Variants in CDC14B observed in about 807,000 individuals in gnomAD.
CDC14B encodes cell division cycle 14B.
Under a neutral mutation model 64.2 loss-of-function variants are expected in CDC14B, and 22 were observed. The ratio of observed to expected loss-of-function variants is 0.34; its 90% confidence interval spans 0.24 to 0.49. The LOEUF is 0.49. CDC14B is among the 20% of genes least tolerant of loss of function. The probability of loss-of-function intolerance (pLI) is 0.99; values close to 1 mark genes in which losing one functional copy is unlikely to be tolerated. For missense variants in CDC14B, 498 were observed against 629.9 expected, an observed-to-expected ratio of 0.79 and a Z score of 2.24; for synonymous variants, 191 against 215.8, an observed-to-expected ratio of 0.89 and a Z score of 1.01.
At chr9:96,604,714 G>T (rs572769440) in intron 1 of CDC14B, among the ~76,000 whole-genome samples, 1 of 151,498 alleles carries the variant, frequency 6.6e-6, no homozygotes, top group South Asian at 2.1e-4. Flanking sequence ...TGTCCCCCAG[G>T]CTGGAGTGTA....
chr9:96,530,477 A>G (rs867470659), intron 9 of CDC14B, among the ~76,000 whole-genome samples: 1 of 135,026 alleles, frequency 7.4e-6, no homozygotes, highest in Non-Finnish European at 1.6e-5. Flanking sequence ...GCGGGGTTTC[A>G]CCGTGTTGCC....
chr9:96,615,715 C>A (rs139876012), intron 1 of CDC14B, among the ~76,000 whole-genome samples: 57 of 152,270 alleles, frequency 3.7e-4, no homozygotes, highest in Admixed American at 7.2e-4. Context: ...CGTGGAGATA[C>A]CATGTGATCC....
chr9:96,597,273 C>T (rs1009164662), intron 1 of CDC14B, among the ~76,000 whole-genome samples: 1 of 152,120 alleles, frequency 6.6e-6, no homozygotes, highest in African/African-American at 2.4e-5. Context: ...GCAGGTGGAT[C>T]ACCTGAGGTC....
chr9:96,507,117 AACCCCGTCTCT>A (rs1461117495), intron 13 of CDC14B, among the ~76,000 whole-genome samples: 4 of 152,144 alleles, frequency 2.6e-5, no homozygotes, highest in Non-Finnish European at 4.4e-5. Context: ...AAAATGGTGA[AACCCCGTCTCT>A]ACTAAAAATA....
At chr9:96,559,566 A>G (rs1029724724) in intron 4 of CDC14B, among the ~76,000 whole-genome samples, 1 of 152,212 alleles carries the variant, frequency 6.6e-6, no homozygotes, top group African/African-American at 2.4e-5. Flanking sequence ...TCAGGTGTCC[A>G]TATTATATCT....
chr9:96,535,891 C>T (rs1029316387), intron 7 of CDC14B, among the ~76,000 whole-genome samples: 7 of 152,154 alleles, frequency 4.6e-5, no homozygotes, highest in African/African-American at 1.7e-4. Flanking sequence ...CAGGGCAACA[C>T]AGTGAGACCC....
rs1833723783 is a variant in CDC14B at position 96,503,403 on chromosome 9, T to G, written c.*350A>C. The stretch of plus-strand genomic sequence containing the variant: ...AAAACCTCCATCAGATCCTCAATTC[T>G]TCTGAAGGCCAGCAACTACAATGAT... On this transcript the variant is annotated 3_prime_UTR_variant, in exon 14 of 14. Transcript: ENST00000375241. 8.1e-6 allele frequency: 2 copies of G among 247,298 alleles called. No homozygotes were observed. Among genetic ancestry groups the G allele is most frequent in the Admixed American group, 1.1e-4 (2 of 18,208 alleles). The allele number at this position is 247,298 out of a possible 1,614,324, so 15.3% of individuals were successfully genotyped here.
chr9:96,616,622 G>A (rs1257096965), intron 1 of CDC14B, among the ~76,000 whole-genome samples: 1 of 151,938 alleles, frequency 6.6e-6, no homozygotes, highest in Admixed American at 6.6e-5. Context: ...TACTTGGGAG[G>A]CTGAGGCAGG....
At position 96,523,669 on chromosome 9, in the gene CDC14B, T is replaced by C. The variant is rs748051828; in HGVS notation, c.1003A>G (p.Met335Val). The change falls in exon 10 of 14, where the codon ATG (methionine) becomes GTG (valine). Residue 335 changes from methionine (M) to valine (V), a missense_variant. Transcript: ENST00000375241. ...CACGCAATGGTCTCGGCTGCTGTCA[T>C]CCTGTAATGCTTCATGATGTAGCAG... Reference protein sequence around the residue: ...IACYIMKHYRMTAAETIAWVR... With the variant: ...IACYIMKHYRVTAAETIAWVR... The C allele has an allele frequency of 3.1e-6, 5 of 1,614,140 alleles. No homozygotes were observed.
chr9:96,600,240 TTA>T (rs376489232), intron 1 of CDC14B, among the ~76,000 whole-genome samples: 49 of 147,910 alleles, frequency 3.3e-4, no homozygotes, highest in African/African-American at 7.7e-4. Context: ...ACCAAAAAAA[TTA>T]TATATATATA....
At chr9:96,566,750 C>A (rs1322360335) in intron 1 of CDC14B, 4 of 1,600,124 alleles carry the variant, frequency 2.5e-6, no homozygotes, top group African/African-American at 2.7e-5. Flanking sequence ...AGGGGAAGCC[C>A]CCGCCCTCCC....
At chr9:96,575,464 G>T (rs1844746224) in intron 1 of CDC14B, among the ~76,000 whole-genome samples, 1 of 152,130 alleles carries the variant, frequency 6.6e-6, no homozygotes, top group African/African-American at 2.4e-5. Flanking sequence ...TACTTTGTAA[G>T]TTCTTTTTTT....
chr9:96,558,228 G>A (rs1270721229), intron 4 of CDC14B, among the ~76,000 whole-genome samples: 1 of 152,176 alleles, frequency 6.6e-6, no homozygotes. Flanking sequence ...AAGTTCTAGT[G>A]TTAGATAGCA....
At chr9:96,567,004 T>A in intron 1 of CDC14B, 1 of 1,405,884 alleles carries the variant, frequency 7.1e-7, no homozygotes, top group Non-Finnish European at 9.3e-7. Flanking sequence ...AGTCCCCAAG[T>A]CCTGGAAAAA....
At chr9:96,555,882 C>T (rs1323933338) in intron 4 of CDC14B, among the ~76,000 whole-genome samples, 3 of 152,090 alleles carry the variant, frequency 2.0e-5, no homozygotes, top group Non-Finnish European at 4.4e-5. Flanking sequence ...ATGCCAGAGT[C>T]CCTGTGAGAA....
In CDC14B at chr9:96,619,779, C is replaced by T. The variant is rs1847860450; in HGVS notation, c.-401G>A. Reference sequence around the variant, plus strand: ...GGCCGCGGCCGCTGCTGCGTAGGCGCCGGGGCACAGCAGGACGCGGCTCGT... The same window carrying T: ...GGCCGCGGCCGCTGCTGCGTAGGCGTCGGGGCACAGCAGGACGCGGCTCGT... On this transcript the variant is annotated 5_prime_UTR_variant, in exon 1 of 14. Transcript: ENST00000375241. 1 of 151,822 alleles carries T rather than the reference C, an allele frequency of 6.6e-6. No individual in the cohort carries two copies. Among genetic ancestry groups the T allele is most frequent in the Non-Finnish European group, 1.5e-5 (1 of 67,928 alleles). 9.4% of individuals were successfully genotyped at this position (151,822 alleles called of 1,614,324 possible).
At chr9:96,575,115 T>C (rs2118139488) in intron 1 of CDC14B, among the ~76,000 whole-genome samples, 1 of 152,314 alleles carries the variant, frequency 6.6e-6, no homozygotes, top group South Asian at 2.1e-4. Flanking sequence ...CTACATGTCC[T>C]CCGGAGATAA....
intron 1 of CDC14B, among the ~76,000 whole-genome samples, chr9:96,614,202 T>C (rs1374746583): frequency 6.6e-6 from 1 of 152,186 alleles, no homozygotes; most frequent in Non-Finnish European, 1.5e-5. Flanking sequence ...CCAGTAGCTA[T>C]TACCAATATT....
At chr9:96,499,383 G>A (rs1234680735), downstream of CDC14B, among the ~76,000 whole-genome samples, 1 of 152,196 alleles carries the variant, frequency 6.6e-6, no homozygotes, top group Non-Finnish European at 1.5e-5. Flanking sequence ...GGTCCTGCCC[G>A]GCACCAGAGG....
Sources: gnomAD v4.1 joint callset for allele counts (sites outside exome capture counted in the v4.1 genomes callset) on GRCh38, gnomAD v4.1.1 for gene constraint, MANE v1.5 for transcripts, NCBI Gene and HGNC (gene_info 2026-07-23, HGNC 2026-07-21) for gene names.